The following CHD9NB variants were observed in gnomAD, a reference collection of about 807,000 sequenced individuals.
CHD9NB encodes CHD9 neighbor.
At chr16:53,036,364 G>A in the CHD9NB span, among the ~76,000 whole-genome samples, 11 of 152,270 alleles carry the variant, frequency 7.2e-5, no homozygotes, top group South Asian at 4.1e-4. Context: ...ATTGGTCACC[G>A]TCTCCCATCA....
chr16:53,049,322 T>TTGTTTGTGTG, the CHD9NB span, among the ~76,000 whole-genome samples: 1 of 144,890 alleles, frequency 6.9e-6, no homozygotes, highest in African/African-American at 2.6e-5. Context: ...CCCCCAGCTG[T>TTGTTTGTGTG]TGTGTGTGTG....
At chr16:53,038,570 C>T in the CHD9NB span, among the ~76,000 whole-genome samples, 64 of 152,270 alleles carry the variant, frequency 4.2e-4, no homozygotes, top group Non-Finnish European at 7.8e-4. Flanking sequence ...AGGCTGGTCT[C>T]GAACTCCAGA....
the CHD9NB span, among the ~76,000 whole-genome samples, chr16:53,048,059 G>C: frequency 1.3e-5 from 2 of 150,758 alleles, no homozygotes; most frequent in African/African-American, 2.4e-5. Context: ...AGGGAGGGAG[G>C]AAAGGAAGGA....
chr16:53,045,951 G>C, the CHD9NB span, among the ~76,000 whole-genome samples: 1 of 152,022 alleles, frequency 6.6e-6, no homozygotes, highest in Non-Finnish European at 1.5e-5. Context: ...CCTCCTCCCT[G>C]GGTGTGGGAA....
At chr16:53,041,394 G>C in the CHD9NB span, among the ~76,000 whole-genome samples, 1 of 152,236 alleles carries the variant, frequency 6.6e-6, no homozygotes, top group Non-Finnish European at 1.5e-5. Context: ...TTTTCTGTTA[G>C]AGATTAACTT....
the CHD9NB span, chr16:53,044,215 GT>G: frequency 1.0e-5 from 4 of 398,562 alleles, no homozygotes; most frequent in Non-Finnish European, 1.8e-5. Flanking sequence ...AGGAAGGTCT[GT>G]GCCTTCCTCC....
chr16:53,036,088 G>C, the CHD9NB span: 31 of 152,206 alleles, frequency 2.0e-4, no homozygotes, highest in Non-Finnish European at 3.8e-4. Context: ...AAAGGTCCCA[G>C]GTGGACACGA....
chr16:53,039,063 T>A, the CHD9NB span, among the ~76,000 whole-genome samples: 2 of 152,102 alleles, frequency 1.3e-5, no homozygotes, highest in African/African-American at 2.4e-5. Flanking sequence ...TATTCATGCT[T>A]CTAGCTTTAT....
the CHD9NB span, among the ~76,000 whole-genome samples, chr16:53,041,041 T>C: frequency 6.6e-6 from 1 of 150,678 alleles, no homozygotes. Context: ...GAAAGAAAGA[T>C]GGAAGGACTG....
At chr16:53,039,369 G>A in the CHD9NB span, among the ~76,000 whole-genome samples, 1 of 152,148 alleles carries the variant, frequency 6.6e-6, no homozygotes, top group Non-Finnish European at 1.5e-5. Flanking sequence ...CTTCTCAGTG[G>A]TTAAGAGTTT....
At chr16:53,048,797 C>T in the CHD9NB span, among the ~76,000 whole-genome samples, 1 of 152,168 alleles carries the variant, frequency 6.6e-6, no homozygotes, top group Non-Finnish European at 1.5e-5. Context: ...AGGCACCCTG[C>T]AGAAGGGAAG....
the CHD9NB span, among the ~76,000 whole-genome samples, chr16:53,041,676 A>C: frequency 1.4e-4 from 22 of 152,234 alleles, 1 homozygote; most frequent in African/African-American, 5.3e-4. Flanking sequence ...CTCTTTCCAT[A>C]GAGTCCTGAG....
the CHD9NB span, among the ~76,000 whole-genome samples, chr16:53,050,949 G>A: frequency 6.6e-6 from 1 of 151,516 alleles, no homozygotes; most frequent in Non-Finnish European, 1.5e-5. Flanking sequence ...GTGCAGTCGT[G>A]CGATCTTGGC....
the CHD9NB span, among the ~76,000 whole-genome samples, chr16:53,049,165 T>A: frequency 6.6e-6 from 1 of 151,750 alleles, no homozygotes; most frequent in Non-Finnish European, 1.5e-5. Flanking sequence ...GGCCAGTTTG[T>A]TTTTTGAAAT....
At chr16:53,052,265 G>A in the CHD9NB span, among the ~76,000 whole-genome samples, 1 of 150,846 alleles carries the variant, frequency 6.6e-6, no homozygotes, top group Non-Finnish European at 1.5e-5. Flanking sequence ...AAATTAGCCA[G>A]GCATGGTGGC....
At chr16:53,040,316 C>T in the CHD9NB span, among the ~76,000 whole-genome samples, 2 of 152,074 alleles carry the variant, frequency 1.3e-5, no homozygotes, top group Admixed American at 1.3e-4. Context: ...CCTCATGATC[C>T]ACCCACCGTG....
the CHD9NB span, among the ~76,000 whole-genome samples, chr16:53,050,020 A>G: frequency 6.6e-6 from 1 of 152,200 alleles, no homozygotes; most frequent in African/African-American, 2.4e-5. Context: ...CCTGGACAAC[A>G]TGGTGAAACC....
chr16:53,043,742 A>C, the CHD9NB span: 2 of 309,220 alleles, frequency 6.5e-6, no homozygotes, highest in African/African-American at 4.3e-5. Flanking sequence ...AGTTGCAGGA[A>C]AGTTCCACAA....
the CHD9NB span, among the ~76,000 whole-genome samples, chr16:53,042,194 A>C: frequency 6.8e-6 from 1 of 147,888 alleles, no homozygotes; most frequent in East Asian, 2.0e-4. Context: ...TCATTCCTCC[A>C]ACTTCCTCGA....
Sources: allele counts gnomAD v4.1 joint callset (sites outside exome capture counted in the v4.1 genomes callset), GRCh38; gene constraint gnomAD v4.1.1; transcripts MANE v1.5; gene names NCBI Gene and HGNC (gene_info 2026-07-23, HGNC 2026-07-21).